KIF13B: variants seen among roughly 807,000 people sequenced by gnomAD.
KIF13B encodes kinesin family member 13B.
In KIF13B, 127 loss-of-function variants were observed where a neutral mutation model predicts 222.0. The observed-to-expected ratio is 0.57, with a 90% CI of 0.50 to 0.66. The LOEUF is 0.66. Among genes scored for constraint, KIF13B ranks in the 30% least tolerant of loss-of-function variants. The probability of loss-of-function intolerance (pLI) is 0.00; values close to 1 mark genes in which losing one functional copy is unlikely to be tolerated. For missense variants in KIF13B, 2,173 were observed against 2,379.0 expected (o/e 0.91, Z 1.80); for synonymous variants, 976 against 919.0 (o/e 1.06, Z -1.12).
chr8:29,228,179 A>C (rs1390015448), intron 2 of KIF13B, among the ~76,000 whole-genome samples: 1 of 151,638 alleles, frequency 6.6e-6, no homozygotes, highest in African/African-American at 2.4e-5. Flanking sequence ...ATGACTAAAA[A>C]TATGGGCCGG....
At chr8:29,167,196 G>GA (rs538578330) in intron 11 of KIF13B, among the ~76,000 whole-genome samples, 177 bp downstream of exon 11, 105 of 152,140 alleles carry the variant, frequency 6.9e-4, no homozygotes, top group African/African-American at 2.5e-3. Context: ...AACCTCTTTG[G>GA]AATTCTAATA....
chr8:29,148,665 T>C lies in KIF13B; in HGVS notation c.1725A>G (p.Gly575=), dbSNP rs1188610707. Residue 575 remains glycine (G), a synonymous_variant, in exon 16 of 40, where the codon GGA becomes GGG. Coordinates refer to ENST00000524189, the MANE Select transcript of KIF13B (RefSeq NM_015254.4). ...CACTGGACACCTCGCTGGAGGAGTCTCCGTCTACATCCAGCTGCTCAGAAC... is the reference window on the plus strand; with the variant it reads ...CACTGGACACCTCGCTGGAGGAGTCCCCGTCTACATCCAGCTGCTCAGAAC... ...ENSSEQLDVD[G]DSSSEVSSEV... 3 of 1,612,894 alleles carry C rather than the reference T, an allele frequency of 1.9e-6. No homozygotes were observed. The Admixed American group carries it at 5.0e-5, about 27-fold the overall frequency.
intron 5 of KIF13B, among the ~76,000 whole-genome samples, chr8:29,186,983 A>G (rs1332662625): frequency 1.3e-5 from 2 of 151,728 alleles, no homozygotes; most frequent in Admixed American, 6.6e-5. Flanking sequence ...AAAAAAAAAA[A>G]AAAGAAAAAT....
chr8:29,142,369 C>A, intron 18 of KIF13B, 66 bp from the exon 19 acceptor site: 1 of 1,383,666 alleles, frequency 7.2e-7, no homozygotes, highest in Non-Finnish European at 1.0e-6. Context: ...GCTGACAATT[C>A]CACCCCCATC....
chr8:29,206,306 G>A (rs1813936845), intron 2 of KIF13B, among the ~76,000 whole-genome samples: 1 of 152,172 alleles, frequency 6.6e-6, no homozygotes, highest in African/African-American at 2.4e-5. Context: ...GAAGTGCATG[G>A]CACACGTATG....
rs975907742 is a variant in KIF13B, at chr8:29,068,829, G to A, written c.*1675C>T. The A allele has an allele frequency of 4.6e-5, 7 of 152,380 alleles. No homozygotes were observed. Among genetic ancestry groups the A allele is most frequent in the African/African-American group, 1.4e-4 (6 of 41,470 alleles). The allele number at this position is 152,380 out of a possible 1,614,324, so 9.4% of individuals were successfully genotyped here. A position where few individuals can be genotyped will look rare whatever the true frequency, so the allele number is the denominator to read the frequency against. On this transcript the variant is annotated 3_prime_UTR_variant, in exon 40 of 40. Coordinates refer to ENST00000524189, the MANE Select transcript of KIF13B (RefSeq NM_015254.4). This position sits in a 1 kb window ranked among gnomAD's most constrained non-coding sequence, Gnocchi z 4.4. ...GGTTGAGTTAAAGGGCAAGGCAGAG[G>A]TGACAGCTCTTCATCCAGGGACAGG...
intron 10 of KIF13B, among the ~76,000 whole-genome samples, chr8:29,170,959 AGACAGTTACT>A (rs11279059): frequency 0.08 from 12,175 of 152,212 alleles, 1,222 homozygotes; most frequent in African/African-American, 0.23. Context: ...AAGGGCCTAT[AGACAGTTACT>A]GAAAAGACTG....
At chr8:29,227,821 C>T (rs1183658067) in intron 2 of KIF13B, among the ~76,000 whole-genome samples, 2 of 152,054 alleles carry the variant, frequency 1.3e-5, no homozygotes, top group African/African-American at 4.8e-5. Flanking sequence ...CATGGTGGTG[C>T]ACGCCTGTAG....
chr8:29,150,877 G>A (rs1434441154), intron 14 of KIF13B, among the ~76,000 whole-genome samples: 1 of 151,896 alleles, frequency 6.6e-6, no homozygotes, highest in East Asian at 1.9e-4. Flanking sequence ...ATTGAAATTA[G>A]GCTAATTAAT....
chr8:29,190,630 T>C (rs1474751801), intron 4 of KIF13B: 4 of 202,938 alleles, frequency 2.0e-5, no homozygotes, highest in Non-Finnish European at 4.0e-5. Context: ...AAAGAGGAGG[T>C]TGTGGGAACC....
rs1810457197 is a variant in KIF13B, at chr8:29,134,041, T to C, written c.2783A>G (p.Asn928Ser). 6.2e-7 allele frequency: 1 copy of C among 1,612,050 alleles called. No individual in the cohort carries two copies. Among genetic ancestry groups the C allele is most frequent in the Non-Finnish European group, 8.5e-7 (1 of 1,179,032 alleles). ...PHCMVVFDHC[N>S]EFSVNITEDF... ...ACCTACTCTGGAAAACAAACTCACATTGCAATGATCAAAGACAACCATGCA... is the reference window on the plus strand; with the variant it reads ...ACCTACTCTGGAAAACAAACTCACACTGCAATGATCAAAGACAACCATGCA... Residue 928 changes from asparagine to serine, a missense_variant and splice_region_variant, in exon 22 of 40, where the codon AAT becomes AGT. Physicochemically the swap from Asn to Ser is conservative, Grantham distance 46 (BLOSUM62 1). Around this residue, in one of 2 missense-constraint regions of KIF13B, gnomAD observed 1,480 missense variants for 1,722.8 expected, o/e 0.86. Transcript: ENST00000524189.
chr8:29,256,480 G>A (rs1285291597), intron 1 of KIF13B, among the ~76,000 whole-genome samples: 1 of 152,188 alleles, frequency 6.6e-6, no homozygotes, highest in African/African-American at 2.4e-5. Context: ...GCTGCCATCA[G>A]TGCACTAGGT....
chr8:29,257,574 T>C (rs1816531422), intron 1 of KIF13B, among the ~76,000 whole-genome samples: 1 of 152,216 alleles, frequency 6.6e-6, no homozygotes, highest in Non-Finnish European at 1.5e-5. Flanking sequence ...TTGTATTTTA[T>C]ATTATAAATG....
chr8:29,167,974 ATACT>A lies in KIF13B; in HGVS notation c.946-393_946-390del, dbSNP rs556441389. The stretch of plus-strand genomic sequence containing the variant: ...CTTCCTCCTTAGAGGAACAAGCATG[ATACT>A]TACTTGGCAACCTCCTCCACAACCC... On this transcript the variant is annotated intron_variant, in intron 10 of 39. Coordinates refer to ENST00000524189, the MANE Select transcript of KIF13B (RefSeq NM_015254.4). Among the ~76,000 whole-genome samples, 94 of 152,298 alleles carry A rather than the reference ATACT, an allele frequency of 6.2e-4. 5 individuals are homozygous for A. The South Asian group carries it at 0.018, about 29-fold the overall frequency.
chr8:29,205,724 T>G (rs1206524471), intron 2 of KIF13B, among the ~76,000 whole-genome samples: 1 of 152,122 alleles, frequency 6.6e-6, no homozygotes, highest in African/African-American at 2.4e-5. Context: ...ACCTAAAGCC[T>G]TTGTCTTCAC....
intron 13 of KIF13B, among the ~76,000 whole-genome samples, chr8:29,156,560 G>A (rs1324956011): frequency 2.0e-5 from 3 of 151,600 alleles, no homozygotes; most frequent in Non-Finnish European, 2.9e-5. Flanking sequence ...TGTCACCCAG[G>A]CTGGAGTGCA....
At chr8:29,247,313 A>C (rs1460761597) in intron 1 of KIF13B, among the ~76,000 whole-genome samples, 1 of 152,184 alleles carries the variant, frequency 6.6e-6, no homozygotes, top group Non-Finnish European at 1.5e-5. Flanking sequence ...CTTTGAGCCC[A>C]GGAGTTCAGG....
intron 2 of KIF13B, among the ~76,000 whole-genome samples, chr8:29,225,628 T>A (rs1814987129): frequency 6.6e-6 from 1 of 152,220 alleles, no homozygotes; most frequent in African/African-American, 2.4e-5. Context: ...AAGTTCAGTG[T>A]TTCTAAGCAG....
rs200101742 is a variant in KIF13B at position 29,143,911 on chromosome 8, CA to C, written c.2188-1609del. Among the ~76,000 whole-genome samples, 1,058 of 151,472 alleles carry C rather than the reference CA, an allele frequency of 7.0e-3. 4 individuals are homozygous for C. The highest frequency in any genetic ancestry group is 9.9e-3 in the African/African-American group (410 of 41,346). On this transcript the variant is annotated intron_variant, in intron 18 of 39. Coordinates refer to ENST00000524189, the MANE Select transcript of KIF13B (RefSeq NM_015254.4). ...TTATGCAAGTATCACACCTCCCCCC[CA>C]AAAAAAGTATGCTCTGAAGTTTTTC...
Sources: gnomAD v4.1 joint callset for allele counts (sites outside exome capture counted in the v4.1 genomes callset) on GRCh38, gnomAD v4.1.1 for gene constraint, gnomAD v4.1.1 regional missense constraint, Gnocchi (gnomAD v3.1) non-coding constraint, MANE v1.5 for transcripts, NCBI Gene and HGNC (gene_info 2026-07-23, HGNC 2026-07-21) for gene names.